Variants in FAT3 observed in about 807,000 individuals in gnomAD.
The protein encoded by FAT3 is protocadherin Fat 3.
A neutral mutation model predicts 310.2 loss-of-function variants in FAT3; 95 were observed. The observed-to-expected ratio is 0.31, with a 90% confidence interval of 0.26 to 0.36. The LOEUF (loss-of-function observed/expected upper bound fraction) is 0.36. Ranked by LOEUF, FAT3 falls within the 10% of genes least tolerant of loss-of-function variation. The pLI is 1.00. For missense variants in FAT3, 5,408 were observed against 5,715.6 expected, an observed-to-expected ratio of 0.95 and a Z score of 1.74; for synonymous variants, 2,314 against 2,192.9, an observed-to-expected ratio of 1.06 and a Z score of -1.54.
chr11:92,259,578 AAGG>A (rs1312056096), intron 1 of FAT3, among the ~76,000 whole-genome samples: 1 of 151,970 alleles, frequency 6.6e-6, no homozygotes, highest in African/African-American at 2.4e-5. Context: ...TAAATAAAAA[AAGG>A]AGAGCTGTAC....
intron 2 of FAT3, among the ~76,000 whole-genome samples, chr11:92,510,608 T>C (rs1162587644): frequency 1.3e-5 from 2 of 152,184 alleles, no homozygotes; most frequent in Non-Finnish European, 2.9e-5. Context: ...AAGAAGCAAG[T>C]ATGTGTTTTC....
At chr11:92,622,305 A>G (rs889156266) in intron 3 of FAT3, among the ~76,000 whole-genome samples, 1 of 152,172 alleles carries the variant, frequency 6.6e-6, no homozygotes, top group African/African-American at 2.4e-5. Flanking sequence ...GTGGAACATA[A>G]TTATGAAAGA....
chr11:92,621,138 C>G (rs1211040644), intron 3 of FAT3, among the ~76,000 whole-genome samples: 1 of 152,172 alleles, frequency 6.6e-6, no homozygotes, highest in Non-Finnish European at 1.5e-5. Flanking sequence ...CAAATCAAGG[C>G]TGATCTTGAA....
intron 1 of FAT3, among the ~76,000 whole-genome samples, chr11:92,306,870 A>T (rs1040581771): frequency 6.8e-6 from 1 of 147,096 alleles, no homozygotes; most frequent in Non-Finnish European, 1.5e-5. Flanking sequence ...AGCTCACTGC[A>T]TTTTCAGATT....
intron 2 of FAT3, among the ~76,000 whole-genome samples, chr11:92,485,417 A>G (rs559644382): frequency 3.5e-4 from 53 of 152,344 alleles, no homozygotes; most frequent in African/African-American, 1.2e-3. Context: ...AGTTGTCTGC[A>G]AAGTCATGCT....
intron 19 of FAT3, among the ~76,000 whole-genome samples, chr11:92,855,980 C>CTTTTTTTT (rs58995060): frequency 7.7e-6 from 1 of 129,238 alleles, no homozygotes; most frequent in Non-Finnish European, 1.6e-5. Flanking sequence ...GGACAATATG[C>CTTTTTTTT]TTTTTTTTTT....
intron 4 of FAT3, among the ~76,000 whole-genome samples, chr11:92,699,850 T>G: frequency 6.6e-6 from 1 of 152,152 alleles, no homozygotes; most frequent in East Asian, 1.9e-4. Context: ...TTATCATTGT[T>G]GATTGTTGTG....
chr11:92,644,708 GC>G (rs1340580766), intron 3 of FAT3, among the ~76,000 whole-genome samples: 1 of 152,194 alleles, frequency 6.6e-6, no homozygotes, highest in Non-Finnish European at 1.5e-5. Flanking sequence ...GACATACCAG[GC>G]TTGTTATGCG....
chr11:92,530,124 T>C (rs1954017257), intron 3 of FAT3, among the ~76,000 whole-genome samples: 1 of 152,188 alleles, frequency 6.6e-6, no homozygotes, highest in Non-Finnish European at 1.5e-5. Context: ...CAGCTGCATA[T>C]AACATCAGCA....
chr11:92,671,710 G>A (rs1030704249), intron 3 of FAT3, among the ~76,000 whole-genome samples: 1 of 152,054 alleles, frequency 6.6e-6, no homozygotes, highest in Admixed American at 6.6e-5. Context: ...TTCCATGAAG[G>A]CATGCATCGG....
At chr11:92,703,943 A>G (rs891213984) in intron 4 of FAT3, among the ~76,000 whole-genome samples, 8 of 152,222 alleles carry the variant, frequency 5.3e-5, no homozygotes, top group Non-Finnish European at 1.0e-4. Context: ...CTCTCACGTT[A>G]TATAGATACA....
intron 3 of FAT3, among the ~76,000 whole-genome samples, chr11:92,661,967 T>A (rs1390914799): frequency 6.6e-6 from 1 of 152,110 alleles, no homozygotes; most frequent in Non-Finnish European, 1.5e-5. Context: ...GTGATTATTA[T>A]GTGGAAAAGT....
chr11:92,562,889 C>A (rs1955284827), intron 3 of FAT3, among the ~76,000 whole-genome samples: 1 of 152,164 alleles, frequency 6.6e-6, no homozygotes, highest in Non-Finnish European at 1.5e-5. Context: ...ATTATTCAGT[C>A]TACTAATTAA....
chr11:92,463,921 T>A (rs78426764), intron 2 of FAT3, among the ~76,000 whole-genome samples: 2,706 of 152,264 alleles, frequency 0.018, 80 homozygotes, highest in African/African-American at 0.061. Flanking sequence ...AGGGGTGATG[T>A]TTTTCTAGGT....
chr11:92,730,137 A>T (rs1249717713), intron 4 of FAT3, among the ~76,000 whole-genome samples: 1 of 152,062 alleles, frequency 6.6e-6, no homozygotes, highest in Non-Finnish European at 1.5e-5. Flanking sequence ...AGGCCTAGAG[A>T]CCAGCCTTGG....
chr11:92,841,123 C>T (rs997900857), intron 18 of FAT3, among the ~76,000 whole-genome samples: 1 of 152,158 alleles, frequency 6.6e-6, no homozygotes, highest in Non-Finnish European at 1.5e-5. Context: ...TTAGCCATTT[C>T]ATGCCTCTGC....
intron 3 of FAT3, among the ~76,000 whole-genome samples, chr11:92,631,037 T>C (rs1464871951): frequency 1.3e-5 from 2 of 152,200 alleles, no homozygotes; most frequent in African/African-American, 4.8e-5. Flanking sequence ...CATATTGGTA[T>C]TGGTATTAAG....
chr11:92,482,088 T>A (rs1952242182), intron 2 of FAT3, among the ~76,000 whole-genome samples: 1 of 152,166 alleles, frequency 6.6e-6, no homozygotes, highest in African/African-American at 2.4e-5. Flanking sequence ...GTCTTTTTTT[T>A]ACTTAACCAT....
intron 3 of FAT3, among the ~76,000 whole-genome samples, chr11:92,544,665 G>T (rs570223616): frequency 6.6e-6 from 1 of 152,212 alleles, no homozygotes; most frequent in Admixed American, 6.5e-5. Flanking sequence ...CTGTAGCATG[G>T]GTGCCCCAGA....
Sources: gnomAD v4.1 joint callset for allele counts (sites outside exome capture counted in the v4.1 genomes callset) on GRCh38, gnomAD v4.1.1 for gene constraint, MANE v1.5 for transcripts, NCBI Gene and HGNC (gene_info 2026-07-23, HGNC 2026-07-21) for gene names.